Variants in KIF21A observed in about 807,000 individuals in gnomAD.
KIF21A encodes the protein kinesin-like protein KIF21A.
In KIF21A, 114 loss-of-function variants were observed where a neutral mutation model predicts 202.9. The observed-to-expected ratio is 0.56, with a 90% confidence interval of 0.48 to 0.66. The LOEUF (loss-of-function observed/expected upper bound fraction) is 0.66, where lower values mean the gene tolerates loss of function less well. KIF21A is among the 30% of genes least tolerant of loss of function. The pLI, the probability that KIF21A is intolerant of heterozygous loss-of-function variation, is 0.00. For missense variants in KIF21A, 1,677 were observed against 1,994.9 expected, an observed-to-expected ratio of 0.84 and a Z score of 3.04; for synonymous variants, 667 against 670.8, an observed-to-expected ratio of 0.99 and a Z score of 0.09.
chr12:39,416,338 G>T (rs1953581098), intron 1 of KIF21A, among the ~76,000 whole-genome samples: 1 of 152,030 alleles, frequency 6.6e-6, no homozygotes, highest in Non-Finnish European at 1.5e-5. Flanking sequence ...GTTCATGCCT[G>T]TAATCCCAAC....
chr12:39,417,110 AG>A (rs1953826063), intron 1 of KIF21A, among the ~76,000 whole-genome samples: 1 of 151,974 alleles, frequency 6.6e-6, no homozygotes, highest in Non-Finnish European at 1.5e-5. Context: ...AGAAAAATGC[AG>A]TATATAAGAC....
rs267603451 is a variant in KIF21A at position 39,367,059 on chromosome 12, G to A, written c.706C>T (p.Gln236Ter). Residue 236 changes from glutamine to a stop codon, truncating the protein, a stop_gained, in exon 5 of 38, where the codon CAA becomes TAA. Coordinates refer to ENST00000361418, the MANE Select transcript of KIF21A (RefSeq NM_001173464.2). LOFTEE classifies it high-confidence loss of function. ...TCTATTTGGGGACACACTCTGGTTT[G>A]ACACACATGAATGGTAAAAATGGCA... ...SHAIFTIHVC[Q>*]TRVCPQIDAD... 6.2e-7 allele frequency: 1 copy of A among 1,613,686 alleles called. No homozygotes were observed. The highest frequency in any genetic ancestry group is 8.5e-7 in the Non-Finnish European group (1 of 1,179,638).
chr12:39,330,083 T>C, intron 24 of KIF21A, 159 bp downstream of exon 24: 1 of 635,734 alleles, frequency 1.6e-6, no homozygotes, highest in Non-Finnish European at 2.9e-6. Context: ...ATAAAAGACT[T>C]AGTGTGTTTG....
intron 34 of KIF21A, 25 bp downstream of exon 34, chr12:39,307,540 G>A (rs766879899): frequency 6.2e-7 from 1 of 1,607,780 alleles, no homozygotes; most frequent in Non-Finnish European, 8.5e-7. Flanking sequence ...ATAGGCAAGA[G>A]GTATGTTTTC....
chr12:39,295,199 T>C (rs1038924529), intron 37 of KIF21A, among the ~76,000 whole-genome samples: 3 of 152,254 alleles, frequency 2.0e-5, no homozygotes, highest in Non-Finnish European at 4.4e-5. Flanking sequence ...TACACAGTTA[T>C]TGTTCATTGA....
rs1328414597 is a variant in KIF21A at position 39,330,348 on chromosome 12, AT to A, written c.3320-87del. On this transcript the variant is annotated intron_variant, in intron 23 of 37. Coordinates refer to ENST00000361418, the MANE Select transcript of KIF21A (RefSeq NM_001173464.2). ...GTTAAAAACTCCCACATAAAACAAGATTATGTACCATTTACATGTAGAATAG... is the reference window on the plus strand; with the variant it reads ...GTTAAAAACTCCCACATAAAACAAGATATGTACCATTTACATGTAGAATAG... The A allele has an allele frequency of 3.4e-5, 39 of 1,161,612 alleles. No individual in the cohort carries two copies. The Admixed American group carries it at 5.6e-4, about 17-fold the overall frequency. The allele number at this position is 1,161,612 out of a possible 1,614,324, so 72.0% of individuals were successfully genotyped here.
rs1357724150 is a variant in KIF21A, at chr12:39,407,102, A to G, written c.44+35825T>C. On this transcript the variant is annotated intron_variant, in intron 1 of 37. Coordinates refer to ENST00000361418, the MANE Select transcript of KIF21A (RefSeq NM_001173464.2). ...CCCACTTATTTGAAATTTTGCTCCTAGAATTATTCCTTCCAGCTCCTGCAT... is the reference window on the plus strand; with the variant it reads ...CCCACTTATTTGAAATTTTGCTCCTGGAATTATTCCTTCCAGCTCCTGCAT... Among the ~76,000 whole-genome samples, 3 of 152,202 alleles carry G rather than the reference A, an allele frequency of 2.0e-5. No homozygotes were observed. In the East Asian group the frequency reaches 5.8e-4, roughly 29 times the overall value.
intron 7 of KIF21A, among the ~76,000 whole-genome samples, chr12:39,358,674 C>T (rs998881322): frequency 1.3e-5 from 2 of 152,192 alleles, no homozygotes; most frequent in African/African-American, 2.4e-5. Flanking sequence ...ATTAAACTGA[C>T]TACAATACAT....
chr12:39,403,823 T>A (rs1167838175), intron 1 of KIF21A, among the ~76,000 whole-genome samples: 1 of 152,206 alleles, frequency 6.6e-6, no homozygotes, highest in Admixed American at 6.5e-5. Flanking sequence ...CTCAGCTTAG[T>A]AGCAAAGTCT....
At chr12:39,406,618 T>A (rs1411972805) in intron 1 of KIF21A, among the ~76,000 whole-genome samples, 8 of 152,226 alleles carry the variant, frequency 5.3e-5, no homozygotes, top group African/African-American at 1.9e-4. Context: ...TCCCTGTGTA[T>A]CATCTAACTT....
At chr12:39,328,160 C>G (rs1461653189) in intron 24 of KIF21A, among the ~76,000 whole-genome samples, 1 of 152,084 alleles carries the variant, frequency 6.6e-6, no homozygotes, top group Non-Finnish European at 1.5e-5. Flanking sequence ...AACTGTTAGC[C>G]AATAAAAGTG....
chr12:39,324,150 T>C (rs1444378996), intron 26 of KIF21A, among the ~76,000 whole-genome samples: 1 of 151,942 alleles, frequency 6.6e-6, no homozygotes, highest in East Asian at 1.9e-4. Flanking sequence ...TTCAGGCATC[T>C]TAGCAGTTCA....
chr12:39,396,648 C>T (rs1416436023), intron 1 of KIF21A, among the ~76,000 whole-genome samples: 1 of 152,066 alleles, frequency 6.6e-6, no homozygotes, highest in East Asian at 1.9e-4. Context: ...TACGATAACT[C>T]CCTCATTTTA....
intron 1 of KIF21A, among the ~76,000 whole-genome samples, chr12:39,416,685 G>GTATATA (rs1297735756): frequency 8.3e-6 from 1 of 120,710 alleles, no homozygotes; most frequent in African/African-American, 4.1e-5. Context: ...ATATATATGT[G>GTATATA]TGTATATATA....
Position 39,333,110 on chromosome 12 carries a change from G to A in KIF21A, c.2488-3C>T. ...ACTTGCCGACGAAGAGCCGTAACCT[G>A]AAATTGCAGCAAAGGTTGACTCATT... is the stretch of plus-strand genomic sequence containing the variant. On this transcript the variant is annotated splice_polypyrimidine_tract_variant and splice_region_variant and intron_variant, in intron 18 of 37. Transcript: ENST00000361418. The A allele has an allele frequency of 6.2e-7, 1 of 1,613,478 alleles. No individual in the cohort carries two copies. Among genetic ancestry groups the A allele is most frequent in the East Asian group, 2.2e-5 (1 of 44,874 alleles).
intron 36 of KIF21A, among the ~76,000 whole-genome samples, chr12:39,302,497 T>A (rs1943058867): frequency 6.6e-6 from 1 of 152,178 alleles, no homozygotes; most frequent in African/African-American, 2.4e-5. Context: ...TATTGACACA[T>A]CACTTCAACC....
chr12:39,341,231 A>C (rs1947415439), intron 14 of KIF21A, 137 bp from the exon 15 acceptor site: 1 of 782,852 alleles, frequency 1.3e-6, no homozygotes, highest in Non-Finnish European at 2.1e-6. Context: ...TCCTGGAAAA[A>C]CCAACAACCA....
At chr12:39,441,635 A>G (rs1005774820) in intron 1 of KIF21A, among the ~76,000 whole-genome samples, 3 of 117,148 alleles carry the variant, frequency 2.6e-5, no homozygotes, top group Non-Finnish European at 5.1e-5. Flanking sequence ...CTAACCAGTC[A>G]TAAAACTGTC....
chr12:39,346,436 T>C, intron 12 of KIF21A, 30 bp downstream of exon 12: 2 of 1,440,594 alleles, frequency 1.4e-6, no homozygotes, highest in South Asian at 3.0e-5. Context: ...TAAACGACAT[T>C]TTAATAAAAA....
Sources: allele counts gnomAD v4.1 joint callset (sites outside exome capture counted in the v4.1 genomes callset), GRCh38; gene constraint gnomAD v4.1.1; transcripts MANE v1.5; gene names NCBI Gene and HGNC (gene_info 2026-07-23, HGNC 2026-07-21).